The following SPTBN1 variants were observed in gnomAD, a reference collection of about 807,000 sequenced individuals.
The protein encoded by SPTBN1 is spectrin beta, non-erythrocytic 1, also known as spectrin beta chain, non-erythrocytic 1.
Under a neutral mutation model 266.4 loss-of-function variants are expected in SPTBN1, and 32 were observed. That is an observed-to-expected ratio of 0.12 (90% CI 0.09 to 0.16). The LOEUF (loss-of-function observed/expected upper bound fraction) is 0.16. Among genes scored for constraint, SPTBN1 ranks in the 10% least tolerant of loss-of-function variants. SPTBN1 has a pLI of 1.00. For missense variants in SPTBN1, 2,296 were observed against 3,067.1 expected (o/e 0.75, Z 5.94); for synonymous variants, 1,336 against 1,162.2 (o/e 1.15, Z -3.04).
At chr2:54,528,554 G>C (rs1670978033) in intron 2 of SPTBN1, 1 of 152,240 alleles carries the variant, frequency 6.6e-6, no homozygotes, top group Non-Finnish European at 1.5e-5. Flanking sequence ...ACAATCATAT[G>C]AGAGAGATTA....
intron 1 of SPTBN1, among the ~76,000 whole-genome samples, chr2:54,483,035 G>C (rs1668177674): frequency 6.6e-6 from 1 of 152,220 alleles, no homozygotes; most frequent in Non-Finnish European, 1.5e-5. Flanking sequence ...ATGTGACCCT[G>C]AGGAGGCCGG....
At chr2:54,470,431 A>T (rs1261266974) in intron 1 of SPTBN1, among the ~76,000 whole-genome samples, 5 of 152,176 alleles carry the variant, frequency 3.3e-5, no homozygotes, top group African/African-American at 1.2e-4. Flanking sequence ...TCAACTTTTA[A>T]AGTCAGTGGT....
chr2:54,582,939 G>A (rs1675043747), intron 2 of SPTBN1, among the ~76,000 whole-genome samples: 1 of 152,184 alleles, frequency 6.6e-6, no homozygotes, highest in Non-Finnish European at 1.5e-5. Context: ...CAGAGTAGTT[G>A]TGAGAATTGA....
chr2:54,589,762 A>G (rs202087730), intron 2 of SPTBN1, among the ~76,000 whole-genome samples: 5 of 152,182 alleles, frequency 3.3e-5, no homozygotes, highest in Admixed American at 6.5e-5. Context: ...TCTGTTATCA[A>G]TACAGCCAGC....
chr2:54,658,172 AG>A (rs1362359627), intron 30 of SPTBN1, 126 bp downstream of exon 30: 3 of 1,214,440 alleles, frequency 2.5e-6, no homozygotes, highest in Non-Finnish European at 3.4e-6. Flanking sequence ...CAAGTAGTGA[AG>A]ATCATCTTAA....
intron 1 of SPTBN1, among the ~76,000 whole-genome samples, chr2:54,472,656 G>C (rs1191614741): frequency 6.6e-6 from 1 of 152,028 alleles, no homozygotes; most frequent in African/African-American, 2.4e-5. Flanking sequence ...GTACAGACTT[G>C]AGCCTGATGG....
chr2:54,611,097 G>C (rs912832326), intron 3 of SPTBN1, among the ~76,000 whole-genome samples: 9 of 152,080 alleles, frequency 5.9e-5, no homozygotes, highest in African/African-American at 2.2e-4. Context: ...TATGAGTTTT[G>C]ATAATTTTTA....
chr2:54,622,193 T>G, intron 8 of SPTBN1, 107 bp from the exon 9 acceptor site: 1 of 1,237,844 alleles, frequency 8.1e-7, no homozygotes, highest in Non-Finnish European at 1.1e-6. Flanking sequence ...CTGGCCAAAC[T>G]GTTTCAAAGC....
intron 27 of SPTBN1, among the ~76,000 whole-genome samples, chr2:54,654,172 G>A (rs940254717): frequency 1.7e-4 from 26 of 152,142 alleles, no homozygotes; most frequent in Non-Finnish European, 2.9e-4. Flanking sequence ...GCTTCAAGTA[G>A]CCACGTACCT....
Position 54,612,224 on chromosome 2 carries a change from T to G in SPTBN1, c.364T>G (p.Phe122Val). The G allele has an allele frequency of 6.2e-7, 1 of 1,613,970 alleles. No homozygotes were observed. Among genetic ancestry groups the G allele is most frequent in the Non-Finnish European group, 8.5e-7 (1 of 1,179,892 alleles). The change falls in exon 4 of 36, where the codon TTC (phenylalanine) becomes GTC (valine). Residue 122 changes from phenylalanine to valine, a missense_variant. By Grantham distance (50) the Phe-to-Val change is conservative. Transcript: ENST00000356805. Reference protein sequence around the residue: ...CLENVDKALQFLKEQRVHLEN... With the variant: ...CLENVDKALQVLKEQRVHLEN... ...AGAGAATGTGGACAAGGCCCTTCAGTTCCTGAAGGAGCAGAGAGTCCATCT... is the reference window on the plus strand; with the variant it reads ...AGAGAATGTGGACAAGGCCCTTCAGGTCCTGAAGGAGCAGAGAGTCCATCT...
chr2:54,517,670 G>A (rs1026472109), intron 1 of SPTBN1, among the ~76,000 whole-genome samples: 2 of 149,498 alleles, frequency 1.3e-5, no homozygotes, highest in African/African-American at 4.9e-5. Context: ...TTTTGAGACA[G>A]AGTCTCGCTC....
intron 2 of SPTBN1, among the ~76,000 whole-genome samples, chr2:54,550,051 TTACAGTA>T (rs1240211923): frequency 6.6e-6 from 1 of 152,232 alleles, no homozygotes; most frequent in Non-Finnish European, 1.5e-5. Context: ...CTTATCTTCC[TTACAGTA>T]AAAGTCAGGT....
intron 2 of SPTBN1, among the ~76,000 whole-genome samples, chr2:54,587,377 G>A (rs561715348): frequency 9.2e-5 from 14 of 152,330 alleles, no homozygotes; most frequent in Non-Finnish European, 1.9e-4. Context: ...AGTCTTGAGT[G>A]TGCCTGTTAC....
chr2:54,631,691 T>A (rs1165097307), intron 16 of SPTBN1, 80 bp downstream of exon 16: 7 of 1,524,708 alleles, frequency 4.6e-6, no homozygotes, highest in Non-Finnish European at 6.2e-6. Context: ...CTGGGGCAGC[T>A]GGTTTAAACC....
intron 2 of SPTBN1, among the ~76,000 whole-genome samples, chr2:54,589,955 AT>A (rs1422510422): frequency 2.0e-5 from 3 of 152,246 alleles, no homozygotes; most frequent in African/African-American, 4.8e-5. Flanking sequence ...TAATATATAA[AT>A]TGTTAAAGTT....
In SPTBN1 at chr2:54,510,920, A is replaced by C. The variant is rs1170298968; in HGVS notation, c.-47-15452A>C. On this transcript the variant is annotated intron_variant, in intron 1 of 35. Transcript: ENST00000356805. ...CTTATTTTCATTTTGCAGTCATTTG[A>C]GCGATAGTAGGAGCCAGATAAGTTT... Among the ~76,000 whole-genome samples, 5 of 152,186 alleles carry C rather than the reference A, an allele frequency of 3.3e-5. No homozygotes were observed. In the East Asian group the frequency reaches 7.7e-4, roughly 23 times the overall value.
chr2:54,489,155 A>G (rs1364256100), intron 1 of SPTBN1, among the ~76,000 whole-genome samples: 5 of 93,428 alleles, frequency 5.4e-5, no homozygotes, highest in African/African-American at 1.4e-4. Flanking sequence ...TGTATTTAAA[A>G]AAAAAAAAAA....
intron 17 of SPTBN1, among the ~76,000 whole-genome samples, chr2:54,635,133 T>G (rs1679031970): frequency 6.6e-6 from 1 of 152,182 alleles, no homozygotes; most frequent in Non-Finnish European, 1.5e-5. Flanking sequence ...TTTTGAGTCT[T>G]ATTACAGGGA....
chr2:54,634,193 A>G (rs1337750622), intron 17 of SPTBN1, among the ~76,000 whole-genome samples: 3 of 152,190 alleles, frequency 2.0e-5, no homozygotes, highest in Non-Finnish European at 4.4e-5. Context: ...GTGTGCATTC[A>G]GGCAGGCATG....
Sources: gnomAD v4.1 joint callset for allele counts (sites outside exome capture counted in the v4.1 genomes callset) on GRCh38, gnomAD v4.1.1 for gene constraint, MANE v1.5 for transcripts, NCBI Gene and HGNC (gene_info 2026-07-23, HGNC 2026-07-21) for gene names.